The following GRIA4 variants were observed in gnomAD, a reference collection of about 807,000 sequenced individuals.
The protein encoded by GRIA4 is glutamate ionotropic receptor AMPA type subunit 4.
Under a neutral mutation model 104.0 loss-of-function variants are expected in GRIA4, and 34 were observed. That is an observed-to-expected ratio of 0.33 (90% CI 0.25 to 0.44). GRIA4 has a LOEUF of 0.44. Among genes scored for constraint, GRIA4 ranks in the 20% least tolerant of loss-of-function variants. The probability of loss-of-function intolerance (pLI) is 1.00; values close to 1 mark genes in which losing one functional copy is unlikely to be tolerated. For synonymous variants in GRIA4, 386 were observed against 381.9 expected (o/e 1.01, Z -0.13); for missense variants, 750 against 1,096.5 (o/e 0.68, Z 4.46).
At chr11:105,789,647 T>G (rs1230971970) in intron 4 of GRIA4, among the ~76,000 whole-genome samples, 1 of 152,070 alleles carries the variant, frequency 6.6e-6, no homozygotes, top group Non-Finnish European at 1.5e-5. Context: ...AGCTGGAAAG[T>G]TATTAGAGTC....
In GRIA4 at chr11:105,635,957, A is replaced by G. The variant is rs542494772; in HGVS notation, c.247+23523A>G. Among the ~76,000 whole-genome samples, 8 of 152,360 alleles carry G rather than the reference A, an allele frequency of 5.3e-5. No individual in the cohort carries two copies. In the South Asian group the frequency reaches 1.7e-3, roughly 32 times the overall value. The stretch of plus-strand genomic sequence containing the variant: ...AGCACTGATAAGGAATGCTGCCAGA[A>G]AACCTAGAGAGCTGAATATTTCATA... On this transcript the variant is annotated intron_variant, in intron 3 of 16. Coordinates refer to ENST00000282499, the MANE Select transcript of GRIA4 (RefSeq NM_000829.4).
At chr11:105,644,319 C>A (rs182488633) in intron 3 of GRIA4, among the ~76,000 whole-genome samples, 55 of 152,024 alleles carry the variant, frequency 3.6e-4, no homozygotes, top group Non-Finnish European at 5.3e-4. Context: ...AGGCCAGGCA[C>A]CTTTGGCTCG....
At chr11:105,787,730 G>A (rs949170738) in intron 4 of GRIA4, among the ~76,000 whole-genome samples, 2 of 151,992 alleles carry the variant, frequency 1.3e-5, no homozygotes, top group Non-Finnish European at 2.9e-5. Context: ...TTCGAGTTCA[G>A]AAACAAGAGA....
intron 14 of GRIA4, chr11:105,966,138 G>T (rs1858357162): frequency 2.0e-6 from 2 of 1,014,750 alleles, no homozygotes; most frequent in Admixed American, 1.9e-5. Context: ...CTTATGGTTT[G>T]GACCTCCTAA....
intron 3 of GRIA4, among the ~76,000 whole-genome samples, chr11:105,621,207 A>G (rs1309738771): frequency 6.6e-6 from 1 of 151,812 alleles, no homozygotes; most frequent in Non-Finnish European, 1.5e-5. Flanking sequence ...CAAAATGAGC[A>G]GACTTTAAAT....
intron 3 of GRIA4, among the ~76,000 whole-genome samples, chr11:105,643,647 T>A (rs922145180): frequency 6.6e-6 from 1 of 152,178 alleles, no homozygotes; most frequent in Non-Finnish European, 1.5e-5. Context: ...AAGGGGGTAG[T>A]GGTTCTTCTA....
chr11:105,935,545 C>T (rs193044083), intron 14 of GRIA4, among the ~76,000 whole-genome samples: 54 of 152,156 alleles, frequency 3.5e-4, no homozygotes, highest in Admixed American at 2.0e-3. Context: ...CTGTTGAAGG[C>T]GTGGTTTTTG....
intron 14 of GRIA4, among the ~76,000 whole-genome samples, chr11:105,943,560 A>G (rs1948233263): frequency 6.6e-6 from 1 of 152,106 alleles, no homozygotes; most frequent in South Asian, 2.1e-4. Context: ...AACCTTAACA[A>G]CTTCAGCACT....
At chr11:105,949,232 A>G (rs1437111975) in intron 14 of GRIA4, among the ~76,000 whole-genome samples, 1 of 152,236 alleles carries the variant, frequency 6.6e-6, no homozygotes, top group African/African-American at 2.4e-5. Flanking sequence ...AACACTTAAT[A>G]GACAGTTTTG....
chr11:105,690,349 G>A (rs938889223), intron 3 of GRIA4, among the ~76,000 whole-genome samples: 5 of 151,960 alleles, frequency 3.3e-5, no homozygotes, highest in Non-Finnish European at 7.4e-5. Flanking sequence ...ACTCATTTTT[G>A]TTTTCTTTAA....
intron 3 of GRIA4, among the ~76,000 whole-genome samples, chr11:105,656,054 G>A (rs1951834228): frequency 6.6e-6 from 1 of 152,110 alleles, no homozygotes; most frequent in Non-Finnish European, 1.5e-5. Flanking sequence ...ATTTCATTGT[G>A]GTTTTGATTT....
chr11:105,689,123 A>C (rs534319158), intron 3 of GRIA4, among the ~76,000 whole-genome samples: 8 of 152,314 alleles, frequency 5.3e-5, no homozygotes, highest in Non-Finnish European at 8.8e-5. Flanking sequence ...AAGCCAATAA[A>C]TATATTTTAT....
intron 3 of GRIA4, among the ~76,000 whole-genome samples, chr11:105,668,677 C>T (rs71464752): frequency 0.46 from 65,149 of 140,250 alleles, 15,299 homozygotes; most frequent in East Asian, 0.56. Flanking sequence ...TATCTTTTGT[C>T]TTTTTTTTTT....
chr11:105,626,013 G>A (rs1465402333), intron 3 of GRIA4, among the ~76,000 whole-genome samples: 1 of 152,056 alleles, frequency 6.6e-6, no homozygotes, highest in Non-Finnish European at 1.5e-5. Context: ...TGATTAAAAT[G>A]CAGAAAAGGT....
At chr11:105,936,331 C>G (rs972456626) in intron 14 of GRIA4, among the ~76,000 whole-genome samples, 8 of 152,316 alleles carry the variant, frequency 5.3e-5, no homozygotes, top group African/African-American at 1.7e-4. Flanking sequence ...ATACCTGTAT[C>G]AAAGTCTTTG....
At chr11:105,779,633 A>G (rs936008997) in intron 4 of GRIA4, among the ~76,000 whole-genome samples, 2 of 151,480 alleles carry the variant, frequency 1.3e-5, no homozygotes, top group African/African-American at 4.9e-5. Context: ...TTAAAAGTAT[A>G]ATAAAAAAAA....
intron 4 of GRIA4, among the ~76,000 whole-genome samples, chr11:105,812,153 T>C (rs1943197347): frequency 6.6e-6 from 1 of 152,226 alleles, no homozygotes; most frequent in South Asian, 2.1e-4. Context: ...ATTCATTTTT[T>C]TCACAAAGAC....
At chr11:105,912,398 G>C (rs924590266) in intron 10 of GRIA4, 4 of 959,930 alleles carry the variant, frequency 4.2e-6, no homozygotes, top group Non-Finnish European at 5.0e-6. Context: ...TGTTACTAAA[G>C]GGACTGGACA....
At chr11:105,633,060 T>C (rs1489268575) in intron 3 of GRIA4, among the ~76,000 whole-genome samples, 2 of 152,250 alleles carry the variant, frequency 1.3e-5, no homozygotes, top group African/African-American at 4.8e-5. Context: ...GTTTTGGAGC[T>C]GACTGAGTTA....
Sources: allele counts gnomAD v4.1 joint callset (sites outside exome capture counted in the v4.1 genomes callset), GRCh38; gene constraint gnomAD v4.1.1; transcripts MANE v1.5; gene names NCBI Gene and HGNC (gene_info 2026-07-23, HGNC 2026-07-21).